MFN1: variants seen among roughly 807,000 people sequenced by gnomAD.
MFN1 encodes mitofusin-1.
A neutral mutation model predicts 92.4 loss-of-function variants in MFN1; 65 were observed. That is an observed-to-expected ratio of 0.70 (90% CI 0.58 to 0.86). MFN1 has a LOEUF of 0.86. Ranked by LOEUF, MFN1 falls within the 40% of genes least tolerant of loss-of-function variation. The pLI is 0.00. For synonymous variants in MFN1, 297 were observed against 300.9 expected, an observed-to-expected ratio of 0.99 and a Z score of 0.13; for missense variants, 781 against 868.0, an observed-to-expected ratio of 0.90 and a Z score of 1.26.
At chr3:179,371,353 A>AG (rs1254608377) in intron 9 of MFN1, among the ~76,000 whole-genome samples, 1 of 79,064 alleles carries the variant, frequency 1.3e-5, no homozygotes, top group Non-Finnish European at 2.5e-5. Flanking sequence ...CATCTCTAGC[A>AG]GGAAAAAAAA....
At position 179,378,668 on chromosome 3, in the gene MFN1, A is replaced by G. The variant is rs768591959; in HGVS notation, c.1516A>G (p.Asn506Asp). The stretch of plus-strand genomic sequence containing the variant: ...TTGCAAGAAATTTGATCTCAGTTAT[A>G]ATCTAAATTACCACAAGTTATGTTC... ...IPCKKFDLSY[N>D]LNYHKLCSDF... Residue 506 changes from asparagine to aspartate, a missense_variant, in exon 14 of 18, where the codon AAT becomes GAT. By Grantham distance (23) the Asn-to-Asp change is conservative. Transcript: ENST00000471841. 3 of 1,613,774 alleles carry G rather than the reference A, an allele frequency of 1.9e-6. No individual in the cohort carries two copies. The African/African-American group carries it at 4.0e-5, about 22-fold the overall frequency.
chr3:179,356,639 T>G (rs949634556), intron 3 of MFN1, among the ~76,000 whole-genome samples: 1 of 151,834 alleles, frequency 6.6e-6, no homozygotes, highest in East Asian at 1.9e-4. Flanking sequence ...TCCACAGTTG[T>G]TTTTTTTGTT....
At chr3:179,366,450 T>G (rs1712799050) in intron 7 of MFN1, among the ~76,000 whole-genome samples, 1 of 152,148 alleles carries the variant, frequency 6.6e-6, no homozygotes. Flanking sequence ...TATCTGGAAT[T>G]TGAACTATAA....
chr3:179,362,704 T>G (rs924903964), intron 5 of MFN1, among the ~76,000 whole-genome samples: 2 of 152,192 alleles, frequency 1.3e-5, no homozygotes, highest in Non-Finnish European at 2.9e-5. Flanking sequence ...GATGGCCACT[T>G]TTTTTGGCCA....
chr3:179,350,106 T>C (rs1712084232), intron 2 of MFN1, among the ~76,000 whole-genome samples: 1 of 151,180 alleles, frequency 6.6e-6, no homozygotes, highest in South Asian at 2.1e-4. Context: ...TGAACCGAAG[T>C]CGCCCACTGC....
intron 16 of MFN1, 104 bp from the exon 17 acceptor site, chr3:179,389,900 T>G (rs1281676248): frequency 1.9e-6 from 2 of 1,045,996 alleles, no homozygotes; most frequent in Admixed American, 2.6e-5. Flanking sequence ...CCCTATAGTT[T>G]AGAAGTTTTT....
chr3:179,349,729 C>T lies in MFN1; in HGVS notation c.112+766C>T, dbSNP rs185281178. 5.3e-5 allele frequency among the ~76,000 whole-genome samples: 8 copies of T among 151,942 alleles called. No homozygotes were observed. The East Asian group carries it at 9.8e-4, about 19-fold the overall frequency. ...TTCACCATATTGGCCAGGCTGGTCT[C>T]GAACTCCTGACCCCATGATCACCTC... On this transcript the variant is annotated intron_variant, in intron 2 of 17. Transcript: ENST00000471841.
chr3:179,350,880 G>A (rs1210461884), intron 2 of MFN1, among the ~76,000 whole-genome samples: 1 of 152,082 alleles, frequency 6.6e-6, no homozygotes, highest in Non-Finnish European at 1.5e-5. Flanking sequence ...TTTTTGAGAC[G>A]ATGTCTCACT....
chr3:179,348,157 C>G (rs1196834028), intron 1 of MFN1: 2 of 152,380 alleles, frequency 1.3e-5, no homozygotes, highest in Non-Finnish European at 2.9e-5. Flanking sequence ...GGGCGTTACC[C>G]CCACCCGGCT....
intron 17 of MFN1, among the ~76,000 whole-genome samples, chr3:179,390,777 T>A (rs538831081): frequency 9.2e-5 from 14 of 152,326 alleles, no homozygotes; most frequent in African/African-American, 2.9e-4. Context: ...TAAACCTCAT[T>A]TAGTCCCTGC....
intron 3 of MFN1, among the ~76,000 whole-genome samples, chr3:179,356,962 G>T (rs1474997902): frequency 6.6e-6 from 1 of 152,176 alleles, no homozygotes; most frequent in Non-Finnish European, 1.5e-5. Context: ...GGAATTTGAG[G>T]TTAGGGTTTT....
chr3:179,372,084 T>C (rs116314900), intron 9 of MFN1, among the ~76,000 whole-genome samples: 26,929 of 146,632 alleles, frequency 0.18, 3,007 homozygotes, highest in East Asian at 0.36. Flanking sequence ...ATAATACATA[T>C]ATAAATATTA....
intron 9 of MFN1, among the ~76,000 whole-genome samples, chr3:179,374,082 G>T (rs1713127289): frequency 6.6e-6 from 1 of 151,516 alleles, no homozygotes; most frequent in African/African-American, 2.4e-5. Flanking sequence ...ACAGGCAGAT[G>T]ACTTGAGGTC....
intron 15 of MFN1, 97 bp downstream of exon 15, chr3:179,385,818 T>C: frequency 8.8e-7 from 1 of 1,138,714 alleles, no homozygotes; most frequent in Non-Finnish European, 1.3e-6. Context: ...TACTTCTATT[T>C]ATAGGATCTG....
At chr3:179,357,242 A>G (rs1013200841) in intron 3 of MFN1, among the ~76,000 whole-genome samples, 8 of 152,210 alleles carry the variant, frequency 5.3e-5, no homozygotes, top group African/African-American at 1.9e-4. Context: ...GTTACATGAC[A>G]TTTAGCAACA....
intron 14 of MFN1, among the ~76,000 whole-genome samples, chr3:179,381,221 A>G (rs1280483510): frequency 6.6e-6 from 1 of 152,232 alleles, no homozygotes; most frequent in African/African-American, 2.4e-5. Context: ...GGTTTATAAA[A>G]TCAAGGAGAG....
At chr3:179,362,320 CA>C (rs778232158) in intron 4 of MFN1, 37 bp from the exon 5 acceptor site, 10 of 1,529,546 alleles carry the variant, frequency 6.5e-6, no homozygotes, top group Middle Eastern at 2.4e-4. Flanking sequence ...AATTTTATTA[CA>C]AGTGGAGTTT....
In MFN1 at chr3:179,394,221, G is replaced by C. The variant is rs1346563640; in HGVS notation, c.*2162G>C. 1.3e-5 allele frequency: 2 copies of C among 152,128 alleles called. No homozygotes were observed. The highest frequency in any genetic ancestry group is 3.9e-4 in the East Asian group (2 of 5,192). 9.4% of individuals were successfully genotyped at this position (152,128 alleles called of 1,614,324 possible). A position where few individuals can be genotyped will look rare whatever the true frequency, so the allele number is the denominator to read the frequency against. ...CCAGACCTATGGAGTCAGACAGTAG[G>C]TTTGAGGCCCAGCAATCTATGGTTT... On this transcript the variant is annotated 3_prime_UTR_variant, in exon 18 of 18. Coordinates refer to ENST00000471841, the MANE Select transcript of MFN1 (RefSeq NM_033540.3).
intron 9 of MFN1, among the ~76,000 whole-genome samples, chr3:179,371,326 A>G (rs1713014985): frequency 6.7e-6 from 1 of 150,294 alleles, no homozygotes; most frequent in Non-Finnish European, 1.5e-5. Context: ...GGGCAAAAAC[A>G]TGAAAAGACT....
Sources: allele counts gnomAD v4.1 joint callset (sites outside exome capture counted in the v4.1 genomes callset), GRCh38; gene constraint gnomAD v4.1.1; transcripts MANE v1.5; gene names NCBI Gene and HGNC (gene_info 2026-07-23, HGNC 2026-07-21).